The following C12orf76 variants were observed in gnomAD, a reference collection of about 807,000 sequenced individuals.
C12orf76 encodes the protein uncharacterized protein C12orf76.
C12orf76 carries 6 observed loss-of-function variants against 6.8 expected under a neutral mutation model. The observed-to-expected ratio is 0.88, with a 90% confidence interval of 0.48 to 1.73. C12orf76 has a LOEUF of 1.73. Among genes scored for constraint, C12orf76 ranks in the 40% most tolerant of loss-of-function variants. The probability of loss-of-function intolerance (pLI) is 0.01; values close to 1 mark genes in which losing one functional copy is unlikely to be tolerated. For synonymous variants in C12orf76, 56 were observed against 43.7 expected (o/e 1.28, Z -1.11); for missense variants, 99 against 98.2 (o/e 1.01, Z -0.03).
chr12:110,072,488 T>G (rs563490648), upstream of C12orf76, among the ~76,000 whole-genome samples: 17 of 150,954 alleles, frequency 1.1e-4, no homozygotes, highest in East Asian at 5.8e-4. Context: ...GGAGTGTGGG[T>G]TTTTTTTGTT....
At chr12:110,060,854 G>A (rs1892759598) in intron 2 of C12orf76, among the ~76,000 whole-genome samples, 3 of 152,022 alleles carry the variant, frequency 2.0e-5, no homozygotes, top group African/African-American at 7.2e-5. Context: ...TGCCCAACAT[G>A]GTGAAACCCA....
At chr12:110,069,204 G>A (rs1892930899), upstream of C12orf76, among the ~76,000 whole-genome samples, 1 of 152,208 alleles carries the variant, frequency 6.6e-6, no homozygotes, top group Non-Finnish European at 1.5e-5. Flanking sequence ...ATTTTGGGAG[G>A]CCAAGGCGGG....
chr12:110,047,511 A>AAAC (rs997254234), intron 1 of C12orf76, among the ~76,000 whole-genome samples: 3 of 151,994 alleles, frequency 2.0e-5, no homozygotes, highest in Admixed American at 6.6e-5. Context: ...TACAAAAAGT[A>AAAC]AACAACAACA....
intron 1 of C12orf76, among the ~76,000 whole-genome samples, chr12:110,045,311 G>A (rs958028696): frequency 5.9e-5 from 9 of 152,066 alleles, no homozygotes; most frequent in Admixed American, 1.3e-4. Context: ...TAAAACTCTC[G>A]GCTGTGCGCA....
At chr12:110,068,258 A>AAGAG (rs1892905220), upstream of C12orf76, among the ~76,000 whole-genome samples, 2 of 81,954 alleles carry the variant, frequency 2.4e-5, no homozygotes, top group Non-Finnish European at 5.4e-5. Context: ...AAGAAGAAGA[A>AAGAG]GAAGAAGAAG....
At chr12:110,049,744 ATGGCT>A (rs1485702000), upstream of C12orf76, 1 of 152,238 alleles carries the variant, frequency 6.6e-6, no homozygotes, top group African/African-American at 2.4e-5. Context: ...AGGGGATGCG[ATGGCT>A]TGGCTTGGGC....
chr12:110,073,323 C>T (rs1892983362), intron 1 of C12orf76: 2 of 462,374 alleles, frequency 4.3e-6, no homozygotes, highest in Non-Finnish European at 8.7e-6. Flanking sequence ...AATTTGAAAA[C>T]CATGTGAGAT....
In C12orf76 at chr12:110,041,800, CCT is replaced by C. The variant is rs1294518443; in HGVS notation, c.*572_*573del. ...TAGTAACAGGTCTACCTGATGTGAC[CCT>C]GACTTCAGGGGGAGCACCTGAGTGC... On this transcript the variant is annotated 3_prime_UTR_variant, in exon 2 of 2. Transcript: ENST00000615315. The C allele has an allele frequency of 6.4e-6, 1 of 155,778 alleles. No individual in the cohort carries two copies. Among genetic ancestry groups the C allele is most frequent in the Non-Finnish European group, 1.4e-5 (1 of 70,208 alleles). 9.6% of individuals were successfully genotyped at this position (155,778 alleles called of 1,614,324 possible).
chr12:110,064,252 G>A (rs1489355745), intron 2 of C12orf76, among the ~76,000 whole-genome samples: 1 of 152,198 alleles, frequency 6.6e-6, no homozygotes, highest in African/African-American at 2.4e-5. Context: ...CCTTGTATAT[G>A]GAAGTGTTGC....
chr12:110,061,535 CTTT>C (rs111551192), intron 2 of C12orf76, among the ~76,000 whole-genome samples: 1 of 142,814 alleles, frequency 7.0e-6, no homozygotes, highest in Non-Finnish European at 1.5e-5. Context: ...ACACTGCATA[CTTT>C]TTTTTTTTTT....
At chr12:110,057,486 T>G (rs576516232) in intron 3 of C12orf76, among the ~76,000 whole-genome samples, 3 of 152,212 alleles carry the variant, frequency 2.0e-5, no homozygotes, top group African/African-American at 7.2e-5. Flanking sequence ...CTTCTCTTTT[T>G]TAAAATCCCA....
chr12:110,046,358 G>A (rs576772031), intron 1 of C12orf76, among the ~76,000 whole-genome samples: 6 of 152,294 alleles, frequency 3.9e-5, no homozygotes, highest in Admixed American at 6.5e-5. Context: ...CCCAGGAGGC[G>A]GAGGCTGCAG....
At chr12:110,060,199 C>T (rs1365776269) in intron 2 of C12orf76, among the ~76,000 whole-genome samples, 1 of 152,180 alleles carries the variant, frequency 6.6e-6, no homozygotes, top group Non-Finnish European at 1.5e-5. Context: ...ACACTCCAGC[C>T]TGTGCAACAA....
chr12:110,067,690 C>G (rs530715974), exon 1 of C12orf76: 3 of 417,800 alleles, frequency 7.2e-6, no homozygotes, highest in African/African-American at 6.5e-5. Flanking sequence ...CAGTCATCTT[C>G]TCCCTATTTC....
exon 1 of C12orf76, chr12:110,067,585 G>C (rs564229558): frequency 3.0e-6 from 3 of 985,300 alleles, no homozygotes; most frequent in Non-Finnish European, 3.6e-6. Context: ...ACACTGCTCC[G>C]TCATCTTCTC....
chr12:110,065,065 T>G (rs969403090), intron 2 of C12orf76, among the ~76,000 whole-genome samples: 17 of 152,188 alleles, frequency 1.1e-4, no homozygotes, highest in Admixed American at 4.6e-4. Flanking sequence ...TAGATGGTAG[T>G]AGGCGGTGTT....
chr12:110,051,872 C>T (rs1307436043), upstream of C12orf76, among the ~76,000 whole-genome samples: 1 of 142,608 alleles, frequency 7.0e-6, no homozygotes, highest in Non-Finnish European at 1.5e-5. Context: ...CACCCACCTG[C>T]TTTATCAATA....
chr12:110,059,249 TC>T, intron 2 of C12orf76: 4 of 1,407,306 alleles, frequency 2.8e-6, no homozygotes, highest in Non-Finnish European at 3.8e-6. Context: ...GTTAATTAGC[TC>T]TATCTAATAG....
At chr12:110,062,184 A>G (rs1177788727) in intron 2 of C12orf76, among the ~76,000 whole-genome samples, 1 of 152,168 alleles carries the variant, frequency 6.6e-6, no homozygotes, top group Non-Finnish European at 1.5e-5. Flanking sequence ...GAATCGTTTG[A>G]ACCCAGGAAG....
Sources: gnomAD v4.1 joint callset for allele counts (sites outside exome capture counted in the v4.1 genomes callset) on GRCh38, gnomAD v4.1.1 for gene constraint, MANE v1.5 for transcripts, NCBI Gene and HGNC (gene_info 2026-07-23, HGNC 2026-07-21) for gene names.